HMGB1: variants seen among roughly 807,000 people sequenced by gnomAD.
HMGB1 encodes high mobility group protein B1.
For synonymous variants in HMGB1, 81 were observed against 84.0 expected (o/e 0.96, Z 0.19); for missense variants, 79 against 253.5 (o/e 0.31, Z 4.67).
chr13:30,535,569 A>G (rs946678546), intron 1 of HMGB1, among the ~76,000 whole-genome samples: 3 of 152,184 alleles, frequency 2.0e-5, no homozygotes, highest in Admixed American at 1.3e-4. Context: ...GTATCTTACC[A>G]TTCCACTTAT....
intron 1 of HMGB1, among the ~76,000 whole-genome samples, chr13:30,545,809 CCTCAG>C (rs1281109340): frequency 6.6e-5 from 10 of 152,230 alleles, no homozygotes; most frequent in African/African-American, 2.4e-4. Context: ...GATCCTCCTG[CCTCAG>C]CTTCAACTTC....
At chr13:30,553,675 C>A in intron 1 of HMGB1, 1 of 796,424 alleles carries the variant, frequency 1.3e-6, no homozygotes, top group Non-Finnish European at 2.2e-6. Context: ...CCAGCCATGC[C>A]CACCATCATT....
chr13:30,503,066 G>A (rs995807922), intron 1 of HMGB1, among the ~76,000 whole-genome samples: 18 of 152,068 alleles, frequency 1.2e-4, no homozygotes, highest in Non-Finnish European at 1.9e-4. Flanking sequence ...GGCCAGGAGC[G>A]GTGGCTCACA....
intron 1 of HMGB1, among the ~76,000 whole-genome samples, chr13:30,568,676 T>C (rs1346585412): frequency 1.3e-5 from 2 of 152,008 alleles, no homozygotes; most frequent in Non-Finnish European, 2.9e-5. Flanking sequence ...GCAGGAAGCA[T>C]AGATGCAGTT....
intron 1 of HMGB1, among the ~76,000 whole-genome samples, chr13:30,521,091 A>AT (rs1219386992): frequency 6.6e-6 from 1 of 152,156 alleles, no homozygotes; most frequent in African/African-American, 2.4e-5. Context: ...AATTTCAGAC[A>AT]TGTTGGTAAG....
At chr13:30,499,045 T>G (rs1301767317) in intron 1 of HMGB1, among the ~76,000 whole-genome samples, 3 of 151,638 alleles carry the variant, frequency 2.0e-5, no homozygotes, top group Non-Finnish European at 4.4e-5. Flanking sequence ...CTCCGCCTCC[T>G]GGGTTCAAGT....
rs143718884 is a variant in HMGB1 at position 30,598,351 on chromosome 13, CA to C, written c.-15+18319del. ...AGAGACTCATTTTAAAGCAATGTTA[CA>C]AGATCGTCACTGTTGCTTTTCATTT... On this transcript the variant is annotated intron_variant, in intron 1 of 4. Coordinates refer to the HMGB1 transcript ENST00000405805. 3.3e-5 allele frequency among the ~76,000 whole-genome samples: 5 copies of C among 152,368 alleles called. No homozygotes were observed. The East Asian group carries it at 9.6e-4, about 29-fold the overall frequency.
intron 1 of HMGB1, among the ~76,000 whole-genome samples, chr13:30,613,774 A>G (rs745788363): frequency 1.3e-5 from 2 of 152,198 alleles, no homozygotes; most frequent in Non-Finnish European, 2.9e-5. Flanking sequence ...TGGAGAACAC[A>G]TAAGTCAAAG....
At chr13:30,553,722 T>C in intron 1 of HMGB1, 1 of 1,174,482 alleles carries the variant, frequency 8.5e-7, no homozygotes, top group South Asian at 1.2e-5. Flanking sequence ...TCAGCATCGC[T>C]GGCAGCTGCC....
At chr13:30,592,904 T>C (rs1871431510) in intron 1 of HMGB1, among the ~76,000 whole-genome samples, 1 of 150,602 alleles carries the variant, frequency 6.6e-6, no homozygotes, top group East Asian at 1.9e-4. Context: ...CCTGGGACAC[T>C]TCATATAGTG....
intron 1 of HMGB1, among the ~76,000 whole-genome samples, chr13:30,599,433 A>C (rs1228838470): frequency 6.6e-6 from 1 of 152,142 alleles, no homozygotes; most frequent in East Asian, 1.9e-4. Flanking sequence ...AGGCCATTGT[A>C]CTCCAGCCTG....
chr13:30,481,841 CT>C (rs1329755121), intron 1 of HMGB1, among the ~76,000 whole-genome samples: 3 of 149,690 alleles, frequency 2.0e-5, no homozygotes, highest in East Asian at 1.9e-4. Flanking sequence ...TTAAGTCTTT[CT>C]TTTTTTTTTC....
chr13:30,537,515 A>G (rs1045459808), intron 1 of HMGB1, among the ~76,000 whole-genome samples: 1 of 151,794 alleles, frequency 6.6e-6, no homozygotes, highest in Non-Finnish European at 1.5e-5. Flanking sequence ...TTGAATTTTT[A>G]TAGAAATGAA....
At chr13:30,616,584 A>C (rs1950566326) in intron 1 of HMGB1, 1 of 152,352 alleles carries the variant, frequency 6.6e-6, no homozygotes. Flanking sequence ...ACAATTCATA[A>C]AAAAGAAAAA....
intron 1 of HMGB1, among the ~76,000 whole-genome samples, chr13:30,605,587 G>A (rs559731637): frequency 3.9e-5 from 6 of 152,336 alleles, no homozygotes; most frequent in African/African-American, 1.4e-4. Context: ...ACGTGGAAAT[G>A]AGAGTTTTGG....
intron 1 of HMGB1, among the ~76,000 whole-genome samples, chr13:30,533,116 C>T (rs1888533769): frequency 6.6e-6 from 1 of 152,144 alleles, no homozygotes; most frequent in Admixed American, 6.5e-5. Context: ...ACCATGAGAC[C>T]CAGATTCACA....
chr13:30,462,240 C>G, intron 4 of HMGB1: 1 of 409,260 alleles, frequency 2.4e-6, no homozygotes, highest in South Asian at 2.1e-5. Flanking sequence ...TATGCCAAGC[C>G]ATTTGAAAAT....
At chr13:30,552,159 A>G (rs1311635361) in intron 1 of HMGB1, among the ~76,000 whole-genome samples, 1 of 152,198 alleles carries the variant, frequency 6.6e-6, no homozygotes, top group Non-Finnish European at 1.5e-5. Context: ...AGATTAGTGC[A>G]ATAAACACAC....
At chr13:30,564,415 G>A (rs573587620) in intron 1 of HMGB1, among the ~76,000 whole-genome samples, 12 of 152,112 alleles carry the variant, frequency 7.9e-5, no homozygotes, top group East Asian at 1.9e-4. Context: ...GCAATGAGCT[G>A]AGAATACACC....
Sources: gnomAD v4.1 joint callset for allele counts (sites outside exome capture counted in the v4.1 genomes callset) on GRCh38, gnomAD v4.1.1 for gene constraint, MANE v1.5 for transcripts, NCBI Gene and HGNC (gene_info 2026-07-23, HGNC 2026-07-21) for gene names.